PIK3CB: variants seen among roughly 807,000 people sequenced by gnomAD.
PIK3CB encodes the protein phosphatidylinositol-4,5-bisphosphate 3-kinase catalytic subunit beta.
PIK3CB carries 39 observed loss-of-function variants against 136.8 expected under a neutral mutation model. That is an observed-to-expected ratio of 0.29 (90% CI 0.22 to 0.37). The LOEUF (loss-of-function observed/expected upper bound fraction) is 0.37, where lower values mean the gene tolerates loss of function less well. Ranked by LOEUF, PIK3CB falls within the 10% of genes least tolerant of loss-of-function variation. PIK3CB has a pLI of 1.00. For synonymous variants in PIK3CB, 428 were observed against 436.6 expected, an observed-to-expected ratio of 0.98 and a Z score of 0.25; for missense variants, 868 against 1,275.4, an observed-to-expected ratio of 0.68 and a Z score of 4.87.
At chr3:138,770,404 G>A (rs954620260) in intron 2 of PIK3CB, 1 of 152,050 alleles carries the variant, frequency 6.6e-6, no homozygotes, top group Admixed American at 6.6e-5. Flanking sequence ...AATCATAGGA[G>A]ATATTTAAAA....
At chr3:138,710,208 A>G (rs542137044) in intron 10 of PIK3CB, among the ~76,000 whole-genome samples, 43 of 152,184 alleles carry the variant, frequency 2.8e-4, no homozygotes, top group African/African-American at 1.0e-3. Flanking sequence ...ACAAAAAGAA[A>G]TACGTCAAAT....
Position 138,714,521 on chromosome 3 carries a change from T to C in PIK3CB, c.1249A>G (p.Thr417Ala), listed in dbSNP as rs749557447. Residue 417 changes from threonine (T) to alanine (A), a missense_variant, in exon 9 of 24, where the codon ACG (threonine) becomes GCG (alanine). Thr to Ala is a moderately conservative substitution (Grantham distance 58). Around this residue, in one of 4 missense-constraint regions of PIK3CB, gnomAD observed 612 missense variants for 801.1 expected, o/e 0.76. Coordinates refer to ENST00000674063, the MANE Select transcript of PIK3CB (RefSeq NM_006219.3). ...VLDKVKTKKSTKTINPSKYQT... is the reference protein window; with the variant it reads ...VLDKVKTKKSAKTINPSKYQT... The stretch of plus-strand genomic sequence containing the variant: ...TATTTAGAGGGATTAATAGTTTTCG[T>C]TGATTTCTTCGTTTTTACTTTATCC... 4.3e-6 allele frequency: 7 copies of C among 1,612,444 alleles called. No individual in the cohort carries two copies. The highest frequency in any genetic ancestry group is 5.9e-6 in the Non-Finnish European group (7 of 1,178,588).
intron 1 of PIK3CB, among the ~76,000 whole-genome samples, chr3:138,833,712 T>C (rs1466472456): frequency 6.6e-6 from 1 of 151,952 alleles, no homozygotes; most frequent in Non-Finnish European, 1.5e-5. Flanking sequence ...GAAAAAAGAG[T>C]CTGTTTCCAT....
At chr3:138,761,850 G>T (rs1477964290) in intron 2 of PIK3CB, among the ~76,000 whole-genome samples, 1 of 151,936 alleles carries the variant, frequency 6.6e-6, no homozygotes, top group African/African-American at 2.4e-5. Flanking sequence ...TGAGGCAGAA[G>T]AATCACTTGA....
chr3:138,657,863 T>C (rs1446154946), intron 21 of PIK3CB, 28 bp from the exon 22 acceptor site: 2 of 1,598,718 alleles, frequency 1.3e-6, no homozygotes, highest in Admixed American at 3.5e-5. Flanking sequence ...TTTAATTTCC[T>C]TCATTTTTCT....
chr3:138,822,821 GAAATATATATACA>G (rs1376243026), intron 1 of PIK3CB, among the ~76,000 whole-genome samples: 1 of 145,272 alleles, frequency 6.9e-6, no homozygotes, highest in Admixed American at 7.0e-5. Flanking sequence ...ATATATATAT[GAAATATATATACA>G]AAATATATAT....
intron 2 of PIK3CB, among the ~76,000 whole-genome samples, chr3:138,791,176 T>C (rs2046043823): frequency 6.6e-6 from 1 of 151,592 alleles, no homozygotes; most frequent in Non-Finnish European, 1.5e-5. Context: ...GATGTCTTGC[T>C]GTGTCACCCA....
intron 18 of PIK3CB, 146 bp from the exon 19 acceptor site, chr3:138,682,191 CTT>C: frequency 1.9e-6 from 1 of 540,300 alleles, no homozygotes; most frequent in Non-Finnish European, 3.3e-6. Flanking sequence ...ATATTACACT[CTT>C]TGGATAGCAT....
chr3:138,724,511 T>G (rs555216363), intron 8 of PIK3CB, among the ~76,000 whole-genome samples: 8 of 152,292 alleles, frequency 5.3e-5, no homozygotes, highest in Non-Finnish European at 1.0e-4. Flanking sequence ...TAAGTCGGTC[T>G]CTGTCCTCCC....
rs545236098 is a variant in PIK3CB at position 138,703,994 on chromosome 3, C to G, written c.1581+449G>C. Among the ~76,000 whole-genome samples the G allele has an allele frequency of 8.0e-4, 121 of 152,186 alleles. 1 individual carries two copies. Among genetic ancestry groups the G allele is most frequent in the Non-Finnish European group, 6.2e-4 (42 of 68,018 alleles). On this transcript the variant is annotated intron_variant, in intron 12 of 23. Transcript: ENST00000674063. ...GGCTGGAATATAGTAAAGTAGGAAG[C>G]TGAAGCAGTAATATTAAACCATGAA... is the stretch of plus-strand genomic sequence containing the variant.
intron 1 of PIK3CB, among the ~76,000 whole-genome samples, chr3:138,818,025 G>A (rs1475744907): frequency 6.6e-6 from 1 of 152,198 alleles, no homozygotes; most frequent in Non-Finnish European, 1.5e-5. Flanking sequence ...GGTAGTACAT[G>A]CTTGTAGTCC....
At chr3:138,802,447 G>A (rs1397025170) in intron 1 of PIK3CB, among the ~76,000 whole-genome samples, 1 of 151,562 alleles carries the variant, frequency 6.6e-6, no homozygotes, top group East Asian at 1.9e-4. Flanking sequence ...AAGAGTGGCG[G>A]AGGAAAGGAG....
At chr3:138,664,270 G>T (rs1300859848) in intron 20 of PIK3CB, among the ~76,000 whole-genome samples, 1 of 152,098 alleles carries the variant, frequency 6.6e-6, no homozygotes, top group African/African-American at 2.4e-5. Context: ...AACGTCCTGG[G>T]AGCTGTGTTT....
chr3:138,665,709 C>A (rs567279517), intron 19 of PIK3CB, among the ~76,000 whole-genome samples: 107 of 152,272 alleles, frequency 7.0e-4, no homozygotes, highest in African/African-American at 1.5e-3. Flanking sequence ...GCTGGGACTA[C>A]AGGCATGTGC....
intron 2 of PIK3CB, among the ~76,000 whole-genome samples, chr3:138,765,451 A>C (rs549836699): frequency 6.6e-6 from 1 of 151,908 alleles, no homozygotes; most frequent in East Asian, 1.9e-4. Context: ...AAATATCACA[A>C]ACAGCCTCCG....
chr3:138,705,168 AAAAAACAAAAAACAAAACAAAC>A lies in PIK3CB; in HGVS notation c.1531-697_1531-676del, dbSNP rs1168162185. On this transcript the variant is annotated intron_variant, in intron 11 of 23. Transcript: ENST00000674063. ...AGATTAGAAAGGCAAAAAAAAAAAA[AAAAAACAAAAAACAAAACAAAC>A]AAAAAAAAAAACTTATATTTGCAAA... is the stretch of plus-strand genomic sequence containing the variant. Among the ~76,000 whole-genome samples the A allele has an allele frequency of 4.2e-3, 405 of 97,334 alleles. 83 individuals are homozygous for A. Among genetic ancestry groups the A allele is most frequent in the Non-Finnish European group, 5.2e-3 (251 of 47,918 alleles). The allele number at this position is 97,334 out of a possible 152,430, so 63.9% of individuals were successfully genotyped here.
At chr3:138,727,570 C>T (rs984255433) in intron 8 of PIK3CB, among the ~76,000 whole-genome samples, 1 of 152,216 alleles carries the variant, frequency 6.6e-6, no homozygotes, top group African/African-American at 2.4e-5. Context: ...GGGCCAACAA[C>T]TTGAATCAGT....
At chr3:138,729,438 A>C (rs935927803) in intron 8 of PIK3CB, among the ~76,000 whole-genome samples, 1 of 152,236 alleles carries the variant, frequency 6.6e-6, no homozygotes, top group African/African-American at 2.4e-5. Flanking sequence ...TGTGATTAAC[A>C]TTGTGATCAG....
At chr3:138,768,656 G>A (rs554213312) in intron 2 of PIK3CB, among the ~76,000 whole-genome samples, 70 of 152,286 alleles carry the variant, frequency 4.6e-4, no homozygotes, top group East Asian at 2.1e-3. Flanking sequence ...TGTAGGTACC[G>A]CCTACAGGTC....
Sources: allele counts gnomAD v4.1 joint callset (sites outside exome capture counted in the v4.1 genomes callset), GRCh38; gene constraint gnomAD v4.1.1; regional missense constraint gnomAD v4.1.1; transcripts MANE v1.5; gene names NCBI Gene and HGNC (gene_info 2026-07-23, HGNC 2026-07-21).